TSPAN5: variants seen among roughly 807,000 people sequenced by gnomAD.
TSPAN5 encodes tetraspanin-5.
TSPAN5 carries 10 observed loss-of-function variants against 37.1 expected under a neutral mutation model. The ratio of observed to expected loss-of-function variants is 0.27; its 90% CI spans 0.17 to 0.46. The LOEUF (loss-of-function observed/expected upper bound fraction) is 0.46. Among genes scored for constraint, TSPAN5 ranks in the 20% least tolerant of loss-of-function variants. TSPAN5 has a pLI of 1.00. For missense variants in TSPAN5, 195 were observed against 326.6 expected, an observed-to-expected ratio of 0.60 and a Z score of 3.11; for synonymous variants, 110 against 118.9, an observed-to-expected ratio of 0.93 and a Z score of 0.48.
intron 1 of TSPAN5, among the ~76,000 whole-genome samples, chr4:98,526,946 T>C (rs1753976031): frequency 6.6e-6 from 1 of 152,172 alleles, no homozygotes; most frequent in South Asian, 2.1e-4. Flanking sequence ...AGGTTTTGTA[T>C]TTGGCTGGAA....
At chr4:98,520,670 T>C (rs533355544) in intron 1 of TSPAN5, among the ~76,000 whole-genome samples, 1 of 152,322 alleles carries the variant, frequency 6.6e-6, no homozygotes, top group African/African-American at 2.4e-5. Context: ...CCTGCTGCAA[T>C]GTCACAAGAC....
chr4:98,512,781 T>G (rs543485833), intron 1 of TSPAN5, among the ~76,000 whole-genome samples: 1 of 152,356 alleles, frequency 6.6e-6, no homozygotes, highest in African/African-American at 2.4e-5. Context: ...GCAACAAATA[T>G]TCTTGAGTTC....
chr4:98,495,459 A>G (rs1277346020), intron 2 of TSPAN5, among the ~76,000 whole-genome samples: 5 of 150,000 alleles, frequency 3.3e-5, no homozygotes, highest in African/African-American at 1.2e-4. Flanking sequence ...CGGGAGGCGG[A>G]CCTTGCCCAC....
At chr4:98,582,817 C>T (rs1486668424) in intron 1 of TSPAN5, among the ~76,000 whole-genome samples, 2 of 152,158 alleles carry the variant, frequency 1.3e-5, no homozygotes, top group Non-Finnish European at 2.9e-5. Context: ...CTGCAAGCTC[C>T]CTGGAGGCAA....
intron 1 of TSPAN5, among the ~76,000 whole-genome samples, chr4:98,511,820 A>T (rs967182535): frequency 6.6e-6 from 1 of 152,206 alleles, no homozygotes; most frequent in African/African-American, 2.4e-5. Flanking sequence ...GGTTTGCATT[A>T]TATTTTTATA....
chr4:98,602,930 T>A (rs846010), intron 1 of TSPAN5, among the ~76,000 whole-genome samples: 23,138 of 152,166 alleles, frequency 0.15, 2,323 homozygotes, highest in East Asian at 0.29. Context: ...ATGAAAAAGT[T>A]TGGAATATGG....
chr4:98,618,821 A>C (rs1756407335), intron 1 of TSPAN5, among the ~76,000 whole-genome samples: 1 of 152,160 alleles, frequency 6.6e-6, no homozygotes, highest in African/African-American at 2.4e-5. Context: ...TGCCCTGAAA[A>C]TTTACAGGCA....
At chr4:98,646,941 TTAA>T (rs1383227901) in intron 1 of TSPAN5, among the ~76,000 whole-genome samples, 3 of 152,162 alleles carry the variant, frequency 2.0e-5, no homozygotes, top group Admixed American at 2.0e-4. Flanking sequence ...AATACTACTA[TTAA>T]TAATATTAAT....
rs553147137 is a variant in TSPAN5 at position 98,546,625 on chromosome 4, G to A, written c.82-38897C>T. On this transcript the variant is annotated intron_variant, in intron 1 of 7. Transcript: ENST00000305798. Reference sequence around the variant, plus strand: ...ATCATAAAGTTTTAAGGCCACAAATGTAGAGCAGAAAGTTGTGTGAAGGCT... The same window carrying A: ...ATCATAAAGTTTTAAGGCCACAAATATAGAGCAGAAAGTTGTGTGAAGGCT... Among the ~76,000 whole-genome samples the A allele has an allele frequency of 7.7e-4, 117 of 152,270 alleles. 1 individual carries two copies. The highest frequency in any genetic ancestry group is 2.7e-3 in the African/African-American group (114 of 41,542).
intron 1 of TSPAN5, among the ~76,000 whole-genome samples, chr4:98,634,209 G>A (rs1253181373): frequency 1.9e-4 from 29 of 152,148 alleles, no homozygotes; most frequent in Admixed American, 1.9e-3. Context: ...GGCAGCACAA[G>A]CAGGCAAATA....
At chr4:98,589,734 T>C (rs180954859) in intron 1 of TSPAN5, among the ~76,000 whole-genome samples, 120 of 152,312 alleles carry the variant, frequency 7.9e-4, no homozygotes, top group Middle Eastern at 3.4e-3. Context: ...CACAAAATTT[T>C]TCATTACCTT....
chr4:98,647,759 T>C (rs1352019908), intron 1 of TSPAN5, among the ~76,000 whole-genome samples: 2 of 152,102 alleles, frequency 1.3e-5, no homozygotes, highest in Non-Finnish European at 2.9e-5. Flanking sequence ...GATTCATAAC[T>C]AACAATCCTC....
At chr4:98,599,321 C>T (rs1755829064) in intron 1 of TSPAN5, among the ~76,000 whole-genome samples, 1 of 152,008 alleles carries the variant, frequency 6.6e-6, no homozygotes, top group Admixed American at 6.6e-5. Flanking sequence ...CATTTTTAAA[C>T]TGGTCTTTTC....
At chr4:98,577,382 TC>T (rs965366069) in intron 1 of TSPAN5, among the ~76,000 whole-genome samples, 1 of 151,760 alleles carries the variant, frequency 6.6e-6, no homozygotes, top group Non-Finnish European at 1.5e-5. Context: ...CTTTATTGTT[TC>T]CCCCCCTGAA....
chr4:98,634,227 G>C (rs530256244), intron 1 of TSPAN5, among the ~76,000 whole-genome samples: 84 of 152,168 alleles, frequency 5.5e-4, no homozygotes, highest in Non-Finnish European at 1.1e-3. Context: ...ATATACATGG[G>C]AGTATCAAGA....
At chr4:98,647,289 A>T (rs1333610662) in intron 1 of TSPAN5, among the ~76,000 whole-genome samples, 1 of 152,208 alleles carries the variant, frequency 6.6e-6, no homozygotes, top group African/African-American at 2.4e-5. Flanking sequence ...TGCATCATCC[A>T]TGATTAGATT....
chr4:98,578,896 C>T (rs1447585952), intron 1 of TSPAN5, among the ~76,000 whole-genome samples: 2 of 152,142 alleles, frequency 1.3e-5, no homozygotes, highest in Non-Finnish European at 2.9e-5. Flanking sequence ...CTAAAGCACA[C>T]CTCCCACTAC....
intron 1 of TSPAN5, among the ~76,000 whole-genome samples, chr4:98,614,580 C>T (rs1227705129): frequency 1.4e-4 from 22 of 152,004 alleles, no homozygotes. Context: ...TTTAAAGTTC[C>T]CAATAACATT....
chr4:98,584,588 T>G (rs1253413675), intron 1 of TSPAN5, among the ~76,000 whole-genome samples: 1 of 152,232 alleles, frequency 6.6e-6, no homozygotes, highest in African/African-American at 2.4e-5. Flanking sequence ...ATGTAGACTT[T>G]CCAGTTCAAA....
Sources: gnomAD v4.1 joint callset for allele counts (sites outside exome capture counted in the v4.1 genomes callset) on GRCh38, gnomAD v4.1.1 for gene constraint, MANE v1.5 for transcripts, NCBI Gene and HGNC (gene_info 2026-07-23, HGNC 2026-07-21) for gene names.